PCBP3: variants seen among roughly 807,000 people sequenced by gnomAD.
The protein encoded by PCBP3 is poly(rC) binding protein 3.
Under a neutral mutation model 52.7 loss-of-function variants are expected in PCBP3, and 25 were observed. The ratio of observed to expected loss-of-function variants is 0.47; its 90% CI spans 0.35 to 0.66. PCBP3 has a LOEUF of 0.66. Ranked by LOEUF, PCBP3 falls within the 30% of genes least tolerant of loss-of-function variation. The probability of loss-of-function intolerance (pLI) is 0.01; values close to 1 mark genes in which losing one functional copy is unlikely to be tolerated. For missense variants in PCBP3, 391 were observed against 490.3 expected (o/e 0.80, Z 1.91); for synonymous variants, 162 against 183.0 (o/e 0.89, Z 0.93).
In PCBP3 at chr21:45,652,248, A is replaced by G. The variant is rs75638709; in HGVS notation, c.-279+8380A>G. ...TCTCAAAAAGATGAGAGATCAGAATATTAATGATTAATTCAAAAATATTTT... is the reference window on the plus strand; with the variant it reads ...TCTCAAAAAGATGAGAGATCAGAATGTTAATGATTAATTCAAAAATATTTT... On this transcript the variant is annotated intron_variant, in intron 1 of 17. Coordinates refer to ENST00000681687, the MANE Select transcript of PCBP3 (RefSeq NM_001384156.1). Among the ~76,000 whole-genome samples the G allele has an allele frequency of 9.2e-5, 14 of 152,330 alleles. No individual in the cohort carries two copies. The East Asian group carries it at 2.7e-3, about 29-fold the overall frequency.
chr21:45,895,454 G>T (rs2095799974), intron 5 of PCBP3, among the ~76,000 whole-genome samples: 1 of 152,174 alleles, frequency 6.6e-6, no homozygotes, highest in African/African-American at 2.4e-5. Flanking sequence ...CAGTACCTCG[G>T]AGCAGGGTCC....
intron 2 of PCBP3, among the ~76,000 whole-genome samples, chr21:45,676,149 C>A (rs1040697683): frequency 6.6e-6 from 1 of 152,130 alleles, no homozygotes; most frequent in South Asian, 2.1e-4. Context: ...AACTGACAGA[C>A]AAACCATGGT....
chr21:45,832,842 G>A (rs2093485489), intron 4 of PCBP3, among the ~76,000 whole-genome samples: 1 of 152,184 alleles, frequency 6.6e-6, no homozygotes, highest in Non-Finnish European at 1.5e-5. Flanking sequence ...CATGACAGAA[G>A]CCAAAGGGGA....
intron 5 of PCBP3, among the ~76,000 whole-genome samples, chr21:45,868,972 C>G (rs1030760513): frequency 6.6e-6 from 1 of 152,192 alleles, no homozygotes; most frequent in African/African-American, 2.4e-5. Flanking sequence ...AGAACAAATT[C>G]AACAATTCAG....
chr21:45,762,664 A>G (rs998755176), intron 4 of PCBP3: 3 of 151,042 alleles, frequency 2.0e-5, no homozygotes, highest in Non-Finnish European at 3.0e-5. Context: ...GTATTTTATT[A>G]TTTTTAGTAG....
intron 5 of PCBP3, among the ~76,000 whole-genome samples, chr21:45,865,661 C>T (rs1279607426): frequency 6.6e-6 from 1 of 152,184 alleles, no homozygotes; most frequent in African/African-American, 2.4e-5. Flanking sequence ...AAGGGCTGCT[C>T]GGTGGAGCTG....
intron 4 of PCBP3, among the ~76,000 whole-genome samples, chr21:45,784,839 G>C (rs1460303035): frequency 2.0e-5 from 3 of 152,190 alleles, no homozygotes; most frequent in Non-Finnish European, 4.4e-5. Context: ...AGCCTGCCTT[G>C]GCCTCCCAAA....
chr21:45,926,230 G>A (rs1335516088), intron 13 of PCBP3, among the ~76,000 whole-genome samples: 1 of 152,190 alleles, frequency 6.6e-6, no homozygotes, highest in Non-Finnish European at 1.5e-5. Context: ...TGAGGTTGCA[G>A]TGCAGCACGT....
intron 3 of PCBP3, chr21:45,752,770 A>G (rs968501977): frequency 1.1e-4 from 16 of 152,042 alleles, no homozygotes; most frequent in African/African-American, 3.9e-4. Flanking sequence ...AATGGAATCT[A>G]TTCTACAATT....
intron 1 of PCBP3, among the ~76,000 whole-genome samples, chr21:45,646,298 T>C (rs1264385785): frequency 6.6e-6 from 1 of 152,124 alleles, no homozygotes; most frequent in Non-Finnish European, 1.5e-5. Flanking sequence ...TTAAGGAGGA[T>C]AATTATGCTA....
chr21:45,779,958 T>G (rs1447721311), intron 4 of PCBP3, among the ~76,000 whole-genome samples: 2 of 152,186 alleles, frequency 1.3e-5, no homozygotes, highest in Non-Finnish European at 2.9e-5. Flanking sequence ...AGTCTGGAAA[T>G]AGGCCTGCAC....
intron 4 of PCBP3, among the ~76,000 whole-genome samples, chr21:45,759,342 C>A (rs1285925792): frequency 6.6e-6 from 1 of 152,138 alleles, no homozygotes; most frequent in Non-Finnish European, 1.5e-5. Flanking sequence ...AATTCAGTTT[C>A]TTTAATTGTT....
intron 4 of PCBP3, among the ~76,000 whole-genome samples, chr21:45,820,272 C>T (rs2093092261): frequency 6.6e-6 from 1 of 152,266 alleles, no homozygotes; most frequent in Admixed American, 6.5e-5. Context: ...TGGCAGTGGG[C>T]ACCACGGGCC....
chr21:45,931,850 C>T (rs191591885), intron 15 of PCBP3, among the ~76,000 whole-genome samples: 48 of 151,632 alleles, frequency 3.2e-4, no homozygotes, highest in Non-Finnish European at 4.9e-4. Context: ...TGAATGAACA[C>T]GTCGGCCATG....
At chr21:45,895,020 AGGTGTAGACAGCGTAAGCGCG>A (rs1333458531) in intron 5 of PCBP3, among the ~76,000 whole-genome samples, 2 of 152,244 alleles carry the variant, frequency 1.3e-5, no homozygotes, top group Non-Finnish European at 2.9e-5. Flanking sequence ...TTTTAAGCAC[AGGTGTAGACAGCGTAAGCGCG>A]GGTGTAGACA....
At position 45,877,795 on chromosome 21, in the gene PCBP3, T is replaced by TA. The variant is rs61264001; in HGVS notation, c.11-18401dup. ...GGGCAACAGGAGTGAAACTCCGTCT[T>TA]AAAAAAAAAAAATTAAATGAGGCTT... On this transcript the variant is annotated intron_variant, in intron 5 of 17. Transcript: ENST00000681687. Among the ~76,000 whole-genome samples, 80 of 148,358 alleles carry TA rather than the reference T, an allele frequency of 5.4e-4. 2 individuals carry two copies. The South Asian group carries it at 0.011, about 20-fold the overall frequency.
At chr21:45,840,120 C>G (rs1370985492) in intron 4 of PCBP3, among the ~76,000 whole-genome samples, 2 of 151,714 alleles carry the variant, frequency 1.3e-5, no homozygotes, top group African/African-American at 4.8e-5. Flanking sequence ...GTGTTTTAAG[C>G]TAAGTACTAT....
chr21:45,785,454 T>C (rs1480921761), intron 4 of PCBP3, among the ~76,000 whole-genome samples: 80 of 122,338 alleles, frequency 6.5e-4, no homozygotes, highest in African/African-American at 2.3e-3. Context: ...CCGCCCCGTC[T>C]GGGAGGAGGT....
Position 45,827,019 on chromosome 21 carries a change from C to T in PCBP3, c.-125-22942C>T, listed in dbSNP as rs2093325379. On this transcript the variant is annotated intron_variant, in intron 4 of 17. Transcript: ENST00000681687. The surrounding 1 kb of genome is among the most constrained non-coding windows in gnomAD (Gnocchi z 4.3). ...AGGAGGCTGACAGGGACACGTACTCCCAGCTGAGCCAGGGAGCATCAGGGA... is the reference window on the plus strand; with the variant it reads ...AGGAGGCTGACAGGGACACGTACTCTCAGCTGAGCCAGGGAGCATCAGGGA... 6.6e-6 allele frequency among the ~76,000 whole-genome samples: 1 copy of T among 152,110 alleles called. No homozygotes were observed. Among genetic ancestry groups the T allele is most frequent in the Non-Finnish European group, 1.5e-5 (1 of 68,020 alleles).
Sources: gnomAD v4.1 joint callset for allele counts (sites outside exome capture counted in the v4.1 genomes callset) on GRCh38, gnomAD v4.1.1 for gene constraint, Gnocchi (gnomAD v3.1) non-coding constraint, MANE v1.5 for transcripts, NCBI Gene and HGNC (gene_info 2026-07-23, HGNC 2026-07-21) for gene names.